The following RGS5 variants were observed in gnomAD, a reference collection of about 807,000 sequenced individuals.
RGS5 encodes the protein regulator of G protein signaling 5.
RGS5 carries 20 observed loss-of-function variants against 18.9 expected under a neutral mutation model. The observed-to-expected ratio is 1.06, with a 90% confidence interval of 0.74 to 1.54. The LOEUF (loss-of-function observed/expected upper bound fraction) is 1.54. Among genes scored for constraint, RGS5 ranks in the 40% most tolerant of loss-of-function variants. The pLI, the probability that RGS5 is intolerant of heterozygous loss-of-function variation, is 0.00. For synonymous variants in RGS5, 57 were observed against 76.2 expected (o/e 0.75, Z 1.31); for missense variants, 201 against 211.8 (o/e 0.95, Z 0.32).
At chr1:163,279,552 A>G (rs192754072) in intron 2 of RGS5, among the ~76,000 whole-genome samples, 7 of 152,108 alleles carry the variant, frequency 4.6e-5, no homozygotes, top group African/African-American at 7.2e-5. Flanking sequence ...ATAGCACTAA[A>G]CAACTACATC....
chr1:163,180,904 G>A (rs566102944), intron 1 of RGS5, among the ~76,000 whole-genome samples: 10 of 151,770 alleles, frequency 6.6e-5, no homozygotes, highest in African/African-American at 2.2e-4. Flanking sequence ...CCGCGTTAGC[G>A]AGGATGGTCT....
intron 2 of RGS5, among the ~76,000 whole-genome samples, chr1:163,245,555 G>C (rs781217937): frequency 6.6e-6 from 1 of 152,072 alleles, no homozygotes; most frequent in South Asian, 2.1e-4. Context: ...TTTTTGTATC[G>C]CCTCATCATC....
chr1:163,300,584 G>C (rs1649528259), intron 2 of RGS5: 1 of 152,166 alleles, frequency 6.6e-6, no homozygotes, highest in Non-Finnish European at 1.5e-5. Context: ...TTTTAAGACT[G>C]AAAGTACTCC....
At chr1:163,244,947 T>TA (rs1157224746) in intron 2 of RGS5, 5 of 152,330 alleles carry the variant, frequency 3.3e-5, no homozygotes, top group African/African-American at 9.6e-5. Context: ...TCATATGCCA[T>TA]AAGGGCTCAT....
At chr1:163,305,263 T>C (rs879770012) in intron 2 of RGS5, 3 of 152,612 alleles carry the variant, frequency 2.0e-5, no homozygotes, top group Non-Finnish European at 4.4e-5. Flanking sequence ...TGGTCTGGAA[T>C]TTTGGAATGG....
intron 2 of RGS5, among the ~76,000 whole-genome samples, chr1:163,252,578 A>T (rs562089891): frequency 5.3e-5 from 8 of 152,284 alleles, no homozygotes; most frequent in South Asian, 2.1e-4. Flanking sequence ...TTTACTCCCA[A>T]CATCAAGTGT....
At chr1:163,203,154 G>C (rs115038574), upstream of RGS5, 3,705 of 238,980 alleles carry the variant, frequency 0.016, 42 homozygotes, top group Non-Finnish European at 0.022. Flanking sequence ...CCTAAACTGT[G>C]CACAGGTCAT....
At chr1:163,243,742 A>C (rs2101693084) in intron 2 of RGS5, among the ~76,000 whole-genome samples, 1 of 151,694 alleles carries the variant, frequency 6.6e-6, no homozygotes, top group Admixed American at 6.6e-5. Context: ...CACATTCAGC[A>C]TATGTATCCC....
intron 2 of RGS5, among the ~76,000 whole-genome samples, chr1:163,271,214 G>T (rs2101711937): frequency 6.6e-6 from 1 of 152,096 alleles, no homozygotes; most frequent in Middle Eastern, 3.4e-3. Context: ...TTTGTATCTG[G>T]CACCCTTGAC....
rs748874557 is a variant in RGS5, at chr1:163,161,966, C to G, written c.166G>C (p.Asp56His). Residue 56 changes from aspartate (D) to histidine (H), a missense_variant, in exon 3 of 5, where the codon GAC becomes CAC. By Grantham distance (81) the Asp-to-His change is moderately conservative. Coordinates refer to ENST00000313961, the MANE Select transcript of RGS5 (RefSeq NM_003617.4). Reference protein sequence around the residue: ...KPAKTQKTSLDEALQWRDSLD... With the variant: ...KPAKTQKTSLHEALQWRDSLD... ...GAATCACGCCACTGCAGGGCCTCGT[C>G]CAGCGAGGTTCTACATCAATAATAA... 1.2e-6 allele frequency: 2 copies of G among 1,612,736 alleles called. No individual in the cohort carries two copies. Among genetic ancestry groups the G allele is most frequent in the African/African-American group, 1.3e-5 (1 of 74,838 alleles).
At chr1:163,300,311 G>C (rs987369610) in intron 2 of RGS5, 6 of 152,226 alleles carry the variant, frequency 3.9e-5, no homozygotes, top group Non-Finnish European at 5.9e-5. Context: ...TGAGAGCTAA[G>C]TTCTAAAGCA....
intron 1 of RGS5, among the ~76,000 whole-genome samples, chr1:163,316,897 T>C (rs909754698): frequency 1.3e-5 from 2 of 152,208 alleles, no homozygotes; most frequent in African/African-American, 4.8e-5. Context: ...CAACAACAAA[T>C]ACTAATTGAG....
At chr1:163,224,142 T>C (rs561845791) in intron 2 of RGS5, among the ~76,000 whole-genome samples, 76 of 152,194 alleles carry the variant, frequency 5.0e-4, no homozygotes, top group Admixed American at 1.2e-3. Context: ...TACTGTGCAA[T>C]AGAACACCAG....
At chr1:163,266,199 G>C (rs1467707298) in intron 2 of RGS5, among the ~76,000 whole-genome samples, 1 of 152,080 alleles carries the variant, frequency 6.6e-6, no homozygotes, top group Non-Finnish European at 1.5e-5. Flanking sequence ...AGTTAGAAAA[G>C]TAAGGGTCAC....
At chr1:163,166,229 AGCT>A (rs755552698) in intron 2 of RGS5, among the ~76,000 whole-genome samples, 1 of 149,578 alleles carries the variant, frequency 6.7e-6, no homozygotes, top group Non-Finnish European at 1.5e-5. Context: ...AGGGGAACAG[AGCT>A]GTCTTTAGGG....
At position 163,273,272 on chromosome 1, in the gene RGS5, A is replaced by G. The variant is rs114747844; in HGVS notation, c.-281+32961T>C. ...TTAAGTTGGTTGATAGCATTGCTCA[A>G]ATTTTCTTTACCCTAGCCAATTTAC... On this transcript the variant is annotated intron_variant, in intron 2 of 5. Coordinates refer to the RGS5 transcript ENST00000618415. Among the ~76,000 whole-genome samples the G allele has an allele frequency of 7.5e-3, 1,140 of 152,168 alleles. 16 individuals carry two copies. Among genetic ancestry groups the G allele is most frequent in the African/African-American group, 0.026 (1,072 of 41,530 alleles).
intron 1 of RGS5, among the ~76,000 whole-genome samples, chr1:163,209,987 TCTTTA>T (rs1365088806): frequency 3.9e-5 from 6 of 152,042 alleles, no homozygotes; most frequent in African/African-American, 1.4e-4. Context: ...TTTCTGTATG[TCTTTA>T]TTCTTTTTTT....
intron 1 of RGS5, among the ~76,000 whole-genome samples, chr1:163,312,830 A>G (rs1188871821): frequency 6.6e-6 from 1 of 152,244 alleles, no homozygotes; most frequent in Non-Finnish European, 1.5e-5. Context: ...ACAGGGTCTG[A>G]CAAGTGCATG....
intron 1 of RGS5, chr1:163,321,590 AGTT>A (rs1250241407): frequency 6.6e-6 from 1 of 152,208 alleles, no homozygotes; most frequent in African/African-American, 2.4e-5. Flanking sequence ...ATGTTCAACA[AGTT>A]ATTATTACTC....
Sources: gnomAD v4.1 joint callset for allele counts (sites outside exome capture counted in the v4.1 genomes callset) on GRCh38, gnomAD v4.1.1 for gene constraint, MANE v1.5 for transcripts, NCBI Gene and HGNC (gene_info 2026-07-23, HGNC 2026-07-21) for gene names.